The following TM9SF2 variants were observed in gnomAD, a reference collection of about 807,000 sequenced individuals.
The protein encoded by TM9SF2 is 76 kDa membrane protein.
In TM9SF2, 13 loss-of-function variants were observed where a neutral mutation model predicts 84.9. The ratio of observed to expected loss-of-function variants is 0.15; its 90% CI spans 0.10 to 0.24. TM9SF2 has a LOEUF of 0.24. Among genes scored for constraint, TM9SF2 ranks in the 10% least tolerant of loss-of-function variants. The pLI is 1.00. For missense variants in TM9SF2, 562 were observed against 818.5 expected (o/e 0.69, Z 3.82); for synonymous variants, 273 against 285.8 (o/e 0.96, Z 0.45).
chr13:99,508,443 A>ACACACACACACACACACACACACACC (rs1311954976), intron 1 of TM9SF2, among the ~76,000 whole-genome samples: 2 of 147,448 alleles, frequency 1.4e-5, no homozygotes, highest in African/African-American at 2.5e-5. Flanking sequence ...ACACACACAC[A>ACACACACACACACACACACACACACC]CCCCAGAGAT....
rs139350601 is a variant in TM9SF2, at chr13:99,523,510, C to A, written c.333+3381C>A. Among the ~76,000 whole-genome samples, 370 of 152,234 alleles carry A rather than the reference C, an allele frequency of 2.4e-3. 4 individuals are homozygous for A. Among genetic ancestry groups the A allele is most frequent in the African/African-American group, 8.6e-3 (357 of 41,552 alleles). On this transcript the variant is annotated intron_variant, in intron 3 of 16. Coordinates refer to ENST00000376387, the MANE Select transcript of TM9SF2 (RefSeq NM_004800.3). ...TAACAACCAGCAACAAAATAAAATC[C>A]CAGTCTGCTTTGTCGTCTTTTATAT... is the stretch of plus-strand genomic sequence containing the variant.
intron 16 of TM9SF2, among the ~76,000 whole-genome samples, chr13:99,561,736 T>C (rs7322368): frequency 0.89 from 136,104 of 152,238 alleles, 60,891 homozygotes; most frequent in Admixed American, 0.93. Context: ...TGGTGAAAAC[T>C]ATTGGGACTT....
chr13:99,556,316 C>T (rs947673112), intron 15 of TM9SF2, among the ~76,000 whole-genome samples: 1 of 152,158 alleles, frequency 6.6e-6, no homozygotes, highest in Non-Finnish European at 1.5e-5. Flanking sequence ...TACAGTGTTG[C>T]GCCACCACCA....
chr13:99,537,561 C>G lies in TM9SF2; in HGVS notation c.592-178C>G, dbSNP rs1450703331. On this transcript the variant is annotated intron_variant, in intron 5 of 16. Transcript: ENST00000376387. ...AACTGTAAGAAGCATATACCTTCCCCAATTAATTTTTGGCTTAAAAAGAGT... is the reference window on the plus strand; with the variant it reads ...AACTGTAAGAAGCATATACCTTCCCGAATTAATTTTTGGCTTAAAAAGAGT... 2.0e-5 allele frequency among the ~76,000 whole-genome samples: 3 copies of G among 151,984 alleles called. No homozygotes were observed. In the South Asian group the frequency reaches 6.2e-4, roughly 32 times the overall value.
chr13:99,502,545 A>G (rs1004644104), intron 1 of TM9SF2, among the ~76,000 whole-genome samples: 1 of 152,226 alleles, frequency 6.6e-6, no homozygotes, highest in Non-Finnish European at 1.5e-5. Context: ...GTGTTTTCCT[A>G]GGGCAAGTCT....
intron 12 of TM9SF2, 73 bp from the exon 13 acceptor site, chr13:99,552,094 G>A (rs910374017): frequency 6.6e-6 from 9 of 1,362,210 alleles, no homozygotes; most frequent in Non-Finnish European, 9.1e-6. Flanking sequence ...CATAGAAGTT[G>A]TCATATTAAT....
In TM9SF2 at chr13:99,520,059, A is replaced by T; in HGVS notation, c.263A>T (p.Glu88Val). ...AGGTTTGATTTTTGCCAAGCATCAG[A>T]AGGAAAGCGCCCATCTGAAAATCTT... The part of the protein sequence containing the change: ...YTAFDFCQAS[E>V]GKRPSENLGQ... Residue 88 changes from glutamate to valine, a missense_variant, in exon 3 of 17, where the codon GAA (glutamate) becomes GTA (valine). By Grantham distance (121) the Glu-to-Val change is moderately radical (BLOSUM62 -2). Transcript: ENST00000376387. 1 of 1,613,834 alleles carries T rather than the reference A, an allele frequency of 6.2e-7. No individual in the cohort carries two copies. The highest frequency in any genetic ancestry group is 8.5e-7 in the Non-Finnish European group (1 of 1,179,906).
chr13:99,546,162 G>A (rs78153465), intron 10 of TM9SF2, among the ~76,000 whole-genome samples: 7,222 of 152,154 alleles, frequency 0.047, 190 homozygotes, highest in African/African-American at 0.06. Context: ...AGGTGTGTGC[G>A]CGTGCTTGCT....
At chr13:99,515,899 A>T (rs12586051) in intron 1 of TM9SF2, among the ~76,000 whole-genome samples, 14,831 of 151,948 alleles carry the variant, frequency 0.098, 866 homozygotes, top group East Asian at 0.21. Flanking sequence ...CACCCGGCTA[A>T]TTTTGTATTT....
chr13:99,527,251 T>C (rs1416028977), intron 3 of TM9SF2, among the ~76,000 whole-genome samples: 2 of 151,948 alleles, frequency 1.3e-5, no homozygotes, highest in Non-Finnish European at 2.9e-5. Context: ...TCCTAGTGGG[T>C]AGTAGTCCGT....
At chr13:99,509,453 A>C (rs2046103826) in intron 1 of TM9SF2, among the ~76,000 whole-genome samples, 1 of 152,208 alleles carries the variant, frequency 6.6e-6, no homozygotes, top group Admixed American at 6.5e-5. Context: ...CATCCTCTGA[A>C]ATCTAGGCAG....
chr13:99,546,511 T>G (rs2046283223), intron 10 of TM9SF2, among the ~76,000 whole-genome samples: 1 of 152,178 alleles, frequency 6.6e-6, no homozygotes, highest in Non-Finnish European at 1.5e-5. Context: ...CTCCCTCATT[T>G]TGTTCTTTCA....
rs2046351927 is a variant in TM9SF2, at chr13:99,563,310, A to G, written c.*552A>G. On this transcript the variant is annotated 3_prime_UTR_variant, in exon 17 of 17. Coordinates refer to ENST00000376387, the MANE Select transcript of TM9SF2 (RefSeq NM_004800.3). ...TTTCTGTGTTGACTTCATTATTCCCATGGTATTGGCCTTTTAAACTATGTG... is the reference window on the plus strand; with the variant it reads ...TTTCTGTGTTGACTTCATTATTCCCGTGGTATTGGCCTTTTAAACTATGTG... 6.6e-6 allele frequency: 1 copy of G among 152,202 alleles called. No individual in the cohort carries two copies. Among genetic ancestry groups the G allele is most frequent in the Non-Finnish European group, 1.5e-5 (1 of 68,050 alleles). The allele number at this position is 152,202 out of a possible 1,614,324, so 9.4% of individuals were successfully genotyped here.
chr13:99,531,773 C>G (rs566947900), intron 4 of TM9SF2, among the ~76,000 whole-genome samples: 2 of 152,270 alleles, frequency 1.3e-5, no homozygotes, highest in African/African-American at 4.8e-5. Flanking sequence ...CCATTTCTTT[C>G]ATTTCTGGTA....
chr13:99,560,553 T>C (rs1480888858), intron 16 of TM9SF2, among the ~76,000 whole-genome samples: 1 of 152,240 alleles, frequency 6.6e-6, no homozygotes, highest in Non-Finnish European at 1.5e-5. Flanking sequence ...TAAATGCATA[T>C]ACAGAATAAT....
chr13:99,522,876 T>C (rs2046166612), intron 3 of TM9SF2, among the ~76,000 whole-genome samples: 1 of 152,212 alleles, frequency 6.6e-6, no homozygotes, highest in Non-Finnish European at 1.5e-5. Flanking sequence ...CACAGGACCC[T>C]TTTTGGGGCC....
At chr13:99,548,790 C>T (rs1202229095) in intron 11 of TM9SF2, among the ~76,000 whole-genome samples, 1 of 152,130 alleles carries the variant, frequency 6.6e-6, no homozygotes, top group Non-Finnish European at 1.5e-5. Context: ...TTGACGGTTC[C>T]CAGTTTTATA....
intron 3 of TM9SF2, among the ~76,000 whole-genome samples, chr13:99,523,133 G>C (rs574547481): frequency 7.9e-5 from 12 of 152,166 alleles, no homozygotes; most frequent in African/African-American, 2.2e-4. Context: ...TTTCACTATT[G>C]ATTCTTTATT....
rs1311954976 is a variant in TM9SF2, at chr13:99,508,443, A to ACACCCC, written c.171+6667_171+6668insACCCCC. Among the ~76,000 whole-genome samples, 77 of 147,556 alleles carry ACACCCC rather than the reference A, an allele frequency of 5.2e-4. No homozygotes were observed. In the East Asian group the frequency reaches 8.8e-3, roughly 17 times the overall value. Reference sequence around the variant, plus strand: ...CACACACACACACACACACACACACACCCCAGAGATTCAGTAGCTACTCCA... The same window carrying ACACCCC: ...CACACACACACACACACACACACACACACCCCCCCCAGAGATTCAGTAGCTACTCCA... On this transcript the variant is annotated intron_variant, in intron 1 of 16. Coordinates refer to ENST00000376387, the MANE Select transcript of TM9SF2 (RefSeq NM_004800.3).
Sources: allele counts gnomAD v4.1 joint callset (sites outside exome capture counted in the v4.1 genomes callset), GRCh38; gene constraint gnomAD v4.1.1; transcripts MANE v1.5; gene names NCBI Gene and HGNC (gene_info 2026-07-23, HGNC 2026-07-21).